Variants in ADAMTS6 observed in about 807,000 individuals in gnomAD.
ADAMTS6 encodes ADAM metallopeptidase with thrombospondin type 1 motif 6.
Under a neutral mutation model 144.3 loss-of-function variants are expected in ADAMTS6, and 23 were observed. That is an observed-to-expected ratio of 0.16 (90% confidence interval 0.11 to 0.23). ADAMTS6 has a LOEUF of 0.23. Among genes scored for constraint, ADAMTS6 ranks in the 10% least tolerant of loss-of-function variants. The pLI is 1.00. For synonymous variants in ADAMTS6, 444 were observed against 457.5 expected (o/e 0.97, Z 0.38); for missense variants, 999 against 1,379.6 (o/e 0.72, Z 4.37).
At chr5:65,387,685 C>A (rs1382839904) in intron 7 of ADAMTS6, among the ~76,000 whole-genome samples, 3 of 152,112 alleles carry the variant, frequency 2.0e-5, no homozygotes, top group African/African-American at 7.2e-5. Context: ...GTTTGATGTT[C>A]ACCTCATGTG....
intron 9 of ADAMTS6, among the ~76,000 whole-genome samples, chr5:65,305,615 A>G (rs776337777): frequency 5.9e-5 from 9 of 152,202 alleles, no homozygotes; most frequent in Admixed American, 5.2e-4. Context: ...GCCCACCCCA[A>G]TGGATGAACA....
chr5:65,357,629 CA>C (rs914451993), intron 7 of ADAMTS6, among the ~76,000 whole-genome samples: 4 of 148,856 alleles, frequency 2.7e-5, no homozygotes, highest in Admixed American at 2.7e-4. Context: ...AAGAAAGTTT[CA>C]AAAAAAACAT....
At chr5:65,475,250 A>G (rs1021489680) in intron 1 of ADAMTS6, among the ~76,000 whole-genome samples, 1 of 152,212 alleles carries the variant, frequency 6.6e-6, no homozygotes, top group Non-Finnish European at 1.5e-5. Context: ...GGTGATAGAA[A>G]TATTGGTATA....
intron 20 of ADAMTS6, among the ~76,000 whole-genome samples, chr5:65,207,277 A>C (rs2112283636): frequency 6.6e-6 from 1 of 152,312 alleles, no homozygotes; most frequent in East Asian, 1.9e-4. Context: ...AGAAAAATCT[A>C]GGAAAAAAAA....
At chr5:65,237,356 G>A (rs1371993416) in intron 15 of ADAMTS6, among the ~76,000 whole-genome samples, 2 of 145,708 alleles carry the variant, frequency 1.4e-5, no homozygotes, top group Non-Finnish European at 3.0e-5. Context: ...CCACTGCAGT[G>A]CAGCCTGGGC....
chr5:65,224,946 G>A lies in ADAMTS6; in HGVS notation c.2169C>T (p.Phe723=). ...CACCTCCCCTGGGCAGTGAATCATT[G>A]AAGAACCCTTCAATGGCATCACATG... ...GSTCDAIEGF[F]NDSLPRGGYM... The change falls in exon 17 of 25, where the codon TTC becomes TTT. Residue 723 remains phenylalanine (F), a synonymous_variant. Transcript: ENST00000381055. The A allele has an allele frequency of 1.9e-6, 3 of 1,613,842 alleles. No homozygotes were observed. The highest frequency in any genetic ancestry group is 2.2e-5 in the East Asian group (1 of 44,852).
intron 12 of ADAMTS6, among the ~76,000 whole-genome samples, chr5:65,267,105 G>A (rs1454966280): frequency 6.9e-6 from 1 of 144,210 alleles, no homozygotes; most frequent in Non-Finnish European, 1.5e-5. Flanking sequence ...GAGATTCTGA[G>A]TGTTGTGCCA....
At chr5:65,472,564 T>C (rs1324355834) in intron 2 of ADAMTS6, among the ~76,000 whole-genome samples, 1 of 152,074 alleles carries the variant, frequency 6.6e-6, no homozygotes, top group Non-Finnish European at 1.5e-5. Flanking sequence ...ATGAGGAACA[T>C]ATTTTCCTCA....
chr5:65,462,121 A>G (rs1180148935), intron 3 of ADAMTS6, among the ~76,000 whole-genome samples: 2 of 152,254 alleles, frequency 1.3e-5, no homozygotes, highest in African/African-American at 2.4e-5. Flanking sequence ...ACTGGCAGAA[A>G]TAACATAATA....
At chr5:65,437,163 C>T (rs1020978296) in intron 7 of ADAMTS6, among the ~76,000 whole-genome samples, 3 of 150,698 alleles carry the variant, frequency 2.0e-5, no homozygotes, top group Non-Finnish European at 2.9e-5. Context: ...GGTGCGATCT[C>T]GGCTCACTGC....
chr5:65,348,265 T>C (rs1580457432), intron 7 of ADAMTS6, among the ~76,000 whole-genome samples: 1 of 152,154 alleles, frequency 6.6e-6, no homozygotes, highest in East Asian at 1.9e-4. Flanking sequence ...TCTCTGTCTA[T>C]CTACAACGAA....
At chr5:65,161,504 T>C (rs752478316) in intron 24 of ADAMTS6, among the ~76,000 whole-genome samples, 4 of 152,238 alleles carry the variant, frequency 2.6e-5, no homozygotes, top group Non-Finnish European at 5.9e-5. Flanking sequence ...CTATGAAGCC[T>C]GCCTTGATGG....
At chr5:65,388,422 A>G (rs1461200289) in intron 7 of ADAMTS6, among the ~76,000 whole-genome samples, 3 of 152,110 alleles carry the variant, frequency 2.0e-5, no homozygotes, top group African/African-American at 7.2e-5. Context: ...CTCAGCCTAC[A>G]CTCAGTTGAG....
intron 7 of ADAMTS6, among the ~76,000 whole-genome samples, chr5:65,425,370 T>C (rs1450997389): frequency 6.6e-6 from 1 of 152,142 alleles, no homozygotes; most frequent in Non-Finnish European, 1.5e-5. Context: ...CCTGCATTTT[T>C]TCCTACCTAA....
chr5:65,171,657 A>C (rs1753638449), intron 23 of ADAMTS6, among the ~76,000 whole-genome samples: 1 of 152,060 alleles, frequency 6.6e-6, no homozygotes. Flanking sequence ...TTAAACTATT[A>C]GTTCAGTGTA....
chr5:65,302,285 ATAT>A (rs1015225400), intron 9 of ADAMTS6, among the ~76,000 whole-genome samples: 39 of 144,542 alleles, frequency 2.7e-4, no homozygotes, highest in African/African-American at 9.1e-4. Flanking sequence ...TATATATAAA[ATAT>A]TAATATATAA....
intron 7 of ADAMTS6, among the ~76,000 whole-genome samples, chr5:65,437,365 A>G (rs1017621830): frequency 3.3e-5 from 5 of 152,078 alleles, no homozygotes; most frequent in Non-Finnish European, 5.9e-5. Context: ...AAGTGCTGGG[A>G]TTACAGGTGT....
chr5:65,326,748 G>A (rs1438268065), intron 9 of ADAMTS6, among the ~76,000 whole-genome samples: 2 of 152,016 alleles, frequency 1.3e-5, no homozygotes, highest in Admixed American at 1.3e-4. Flanking sequence ...ATTTACTATG[G>A]CTACTGCTTT....
chr5:65,416,689 G>A (rs6863872), intron 7 of ADAMTS6, among the ~76,000 whole-genome samples: 4,214 of 150,728 alleles, frequency 0.028, 158 homozygotes, highest in African/African-American at 0.093. Context: ...TGCAGTGAGC[G>A]GAGATCACAG....
Sources: allele counts gnomAD v4.1 joint callset (sites outside exome capture counted in the v4.1 genomes callset), GRCh38; gene constraint gnomAD v4.1.1; transcripts MANE v1.5; gene names NCBI Gene and HGNC (gene_info 2026-07-23, HGNC 2026-07-21).